FABP7: variants seen among roughly 807,000 people sequenced by gnomAD.
FABP7 encodes the protein fatty acid binding protein 7, also known as fatty acid-binding protein, brain.
FABP7 carries 13 observed loss-of-function variants against 14.2 expected under a neutral mutation model. The ratio of observed to expected loss-of-function variants is 0.91; its 90% confidence interval spans 0.59 to 1.45. The LOEUF (loss-of-function observed/expected upper bound fraction) is 1.45. FABP7 is among the 40% of genes most tolerant of loss of function. The pLI, the probability that FABP7 is intolerant of heterozygous loss-of-function variation, is 0.00. For synonymous variants in FABP7, 49 were observed against 51.4 expected (o/e 0.95, Z 0.20); for missense variants, 149 against 157.6 (o/e 0.95, Z 0.29).
the FABP7 span, among the ~76,000 whole-genome samples, chr6:122,752,314 G>C: frequency 6.6e-6 from 1 of 152,186 alleles, no homozygotes; most frequent in Non-Finnish European, 1.5e-5. Context: ...TTTCTGTACA[G>C]AATCTATTTC....
the FABP7 span, among the ~76,000 whole-genome samples, chr6:122,773,102 C>T: frequency 6.6e-6 from 1 of 152,098 alleles, no homozygotes; most frequent in Non-Finnish European, 1.5e-5. Flanking sequence ...ATCAGATTTC[C>T]CTATTATCTA....
chr6:122,782,071 A>T, intron 3 of FABP7: 1 of 985,362 alleles, frequency 1.0e-6, no homozygotes, highest in Non-Finnish European at 1.2e-6. Context: ...AACCATTTTG[A>T]TGTTACTTCT....
chr6:122,762,134 A>G, the FABP7 span, among the ~76,000 whole-genome samples: 1 of 152,206 alleles, frequency 6.6e-6, no homozygotes, highest in Non-Finnish European at 1.5e-5. Flanking sequence ...TGATGCAAAA[A>G]TCCTCAATAA....
the FABP7 span, among the ~76,000 whole-genome samples, chr6:122,767,903 A>T: frequency 6.6e-6 from 1 of 152,106 alleles, no homozygotes; most frequent in Non-Finnish European, 1.5e-5. Flanking sequence ...AAATTTGGCA[A>T]TATTAAAAAT....
the FABP7 span, among the ~76,000 whole-genome samples, chr6:122,770,109 CT>C: frequency 1.7e-4 from 26 of 151,854 alleles, no homozygotes; most frequent in African/African-American, 6.0e-4. Flanking sequence ...TGAGAATTAT[CT>C]TTTTTTTAAT....
chr6:122,753,905 A>C, the FABP7 span, among the ~76,000 whole-genome samples: 3 of 151,836 alleles, frequency 2.0e-5, no homozygotes, highest in African/African-American at 7.2e-5. Flanking sequence ...GGCTGGAGTG[A>C]AGTTACAAAG....
chr6:122,775,243 C>T (rs1371857028), upstream of FABP7, among the ~76,000 whole-genome samples: 2 of 152,056 alleles, frequency 1.3e-5, no homozygotes, highest in Non-Finnish European at 2.9e-5. Flanking sequence ...GGAAGCATCA[C>T]ATTACCTGAC....
At chr6:122,754,514 C>G in the FABP7 span, among the ~76,000 whole-genome samples, 1 of 152,116 alleles carries the variant, frequency 6.6e-6, no homozygotes, top group Non-Finnish European at 1.5e-5. Flanking sequence ...GCCCCAAGAC[C>G]TTCAAGATCT....
chr6:122,775,251 G>A (rs2115137806), upstream of FABP7, among the ~76,000 whole-genome samples: 1 of 152,142 alleles, frequency 6.6e-6, no homozygotes, highest in South Asian at 2.1e-4. Context: ...CACATTACCT[G>A]ACTTCAAAAG....
chr6:122,775,709 A>C (rs200907956), upstream of FABP7, among the ~76,000 whole-genome samples: 447 of 151,480 alleles, frequency 3.0e-3, 1 homozygote, highest in South Asian at 0.012. Flanking sequence ...AACAACAAAA[A>C]AAACAAACAA....
upstream of FABP7, among the ~76,000 whole-genome samples, chr6:122,779,044 C>T (rs1187545962): frequency 1.3e-5 from 2 of 152,084 alleles, no homozygotes; most frequent in African/African-American, 4.8e-5. Context: ...GAAAGGACAA[C>T]GGGATCTTTA....
chr6:122,779,695 G>A (rs966470398), upstream of FABP7: 25 of 1,105,726 alleles, frequency 2.3e-5, no homozygotes, highest in Admixed American at 4.6e-4. Context: ...AAATAAGAAG[G>A]CAGGAGCTGC....
the FABP7 span, among the ~76,000 whole-genome samples, chr6:122,765,020 A>C: frequency 6.6e-6 from 1 of 152,180 alleles, no homozygotes; most frequent in Admixed American, 6.5e-5. Context: ...TAACATGAAA[A>C]CATTATAATG....
At chr6:122,755,779 T>G in the FABP7 span, among the ~76,000 whole-genome samples, 16 of 152,066 alleles carry the variant, frequency 1.1e-4, no homozygotes, top group African/African-American at 3.9e-4. Flanking sequence ...GTTTCTTGAA[T>G]GAATACCTTC....
chr6:122,771,757 C>T, the FABP7 span, among the ~76,000 whole-genome samples: 1 of 152,160 alleles, frequency 6.6e-6, no homozygotes, highest in South Asian at 2.1e-4. Context: ...GCTTAGATAC[C>T]TTTCTCTGGG....
the FABP7 span, among the ~76,000 whole-genome samples, chr6:122,757,604 C>T: frequency 6.6e-6 from 1 of 151,910 alleles, no homozygotes; most frequent in Admixed American, 6.6e-5. Flanking sequence ...CTGAATAGAG[C>T]TTTCTGCTAC....
the FABP7 span, among the ~76,000 whole-genome samples, chr6:122,767,682 G>C: frequency 5.9e-5 from 9 of 151,416 alleles, no homozygotes; most frequent in South Asian, 1.2e-3. Flanking sequence ...AGACAGAGGT[G>C]GGGGGATAGC....
intron 2 of FABP7, 115 bp downstream of exon 2, chr6:122,780,578 A>T: frequency 8.7e-7 from 1 of 1,150,470 alleles, no homozygotes. Context: ...TCAGTATTTC[A>T]ATCCAAGGAG....
chr6:122,764,552 A>G, the FABP7 span, among the ~76,000 whole-genome samples: 259 of 152,156 alleles, frequency 1.7e-3, 2 homozygotes, highest in African/African-American at 6.0e-3. Flanking sequence ...AAAAAGAGAA[A>G]ACAAACAAGA....
Sources: allele counts gnomAD v4.1 joint callset (sites outside exome capture counted in the v4.1 genomes callset), GRCh38; gene constraint gnomAD v4.1.1; transcripts MANE v1.5; gene names NCBI Gene and HGNC (gene_info 2026-07-23, HGNC 2026-07-21).